The following TRIM4 variants were observed in gnomAD, a reference collection of about 807,000 sequenced individuals.
The protein encoded by TRIM4 is E3 ubiquitin-protein ligase TRIM4.
Under a neutral mutation model 33.7 loss-of-function variants are expected in TRIM4, and 29 were observed. The observed-to-expected ratio is 0.86, with a 90% CI of 0.64 to 1.17. TRIM4 has a LOEUF of 1.17. TRIM4 is among the 50% of genes most tolerant of loss of function. The pLI is 0.00. For synonymous variants in TRIM4, 224 were observed against 233.0 expected, an observed-to-expected ratio of 0.96 and a Z score of 0.35; for missense variants, 554 against 593.7, an observed-to-expected ratio of 0.93 and a Z score of 0.69.
At position 99,892,726 on chromosome 7, in the gene TRIM4, C is replaced by T. The variant is rs770230620; in HGVS notation, c.862G>A (p.Asp288Asn). The T allele has an allele frequency of 6.2e-7, 1 of 1,613,144 alleles. No individual in the cohort carries two copies. The highest frequency in any genetic ancestry group is 8.5e-7 in the Non-Finnish European group (1 of 1,179,772). The change falls in exon 6 of 6, where the codon GAC (aspartate) becomes AAC (asparagine). Residue 288 changes from aspartate to asparagine, a missense_variant. By Grantham distance (23) the Asp-to-Asn change is conservative. Coordinates refer to ENST00000349062, the MANE Select transcript of TRIM4 (RefSeq NM_033091.3). ...AAGACGAGTTTGGGATGAGCTGTGT[C>T]TTCAGCTAGGTTTACAGCCACTGTG... ...RFQVAVNLAE[D>N]TAHPKLVFSQ...
At chr7:99,914,366 G>C (rs555331472) in intron 1 of TRIM4, among the ~76,000 whole-genome samples, 1 of 152,110 alleles carries the variant, frequency 6.6e-6, no homozygotes, top group African/African-American at 2.4e-5. Flanking sequence ...CAGTTGCCTA[G>C]GCTGGTCTTG....
Position 99,892,473 on chromosome 7 carries a change from C to T in TRIM4, c.1115G>A (p.Arg372Gln), listed in dbSNP as rs775388976. 5.0e-6 allele frequency: 8 copies of T among 1,614,098 alleles called. No individual in the cohort carries two copies. Among genetic ancestry groups the T allele is most frequent in the African/African-American group, 2.7e-5 (2 of 75,006 alleles). ...DSLEVAVGVC[R>Q]EDVMGITDRS... ...ATCAGTAATTCCCATGACGTCCTCC[C>T]GACACACCCCAACAGCAACCTCCAG... Residue 372 changes from arginine to glutamine, a missense_variant, in exon 6 of 6, where the codon CGG (arginine) becomes CAG (glutamine). By Grantham distance (43) the Arg-to-Gln change is conservative (BLOSUM62 1). Around this residue, in one of 3 missense-constraint regions of TRIM4, gnomAD observed 290 missense variants for 335.8 expected, o/e 0.86. Transcript: ENST00000349062.
At chr7:99,903,792 G>T (rs1201845754) in intron 3 of TRIM4, among the ~76,000 whole-genome samples, 194 bp from the exon 4 acceptor site, 10 of 152,148 alleles carry the variant, frequency 6.6e-5, no homozygotes, top group African/African-American at 2.4e-4. Context: ...CGACAATGCT[G>T]CCTGCGCCCC....
chr7:99,902,327 A>G (rs1415839527), intron 5 of TRIM4, among the ~76,000 whole-genome samples: 1 of 152,088 alleles, frequency 6.6e-6, no homozygotes, highest in Non-Finnish European at 1.5e-5. Flanking sequence ...AGCTCACTGC[A>G]ACCTCCACCT....
rs1304422181 is a variant in TRIM4 at position 99,908,819 on chromosome 7, C to A, written c.490-7G>T. Reference sequence around the variant, plus strand: ...GCTGACTCTTTATCTTATCCTAAGGCCACATGAGATTTGCTCACTCCTTTT... The same window carrying A: ...GCTGACTCTTTATCTTATCCTAAGGACACATGAGATTTGCTCACTCCTTTT... On this transcript the variant is annotated splice_region_variant and splice_polypyrimidine_tract_variant and intron_variant, in intron 2 of 5. Transcript: ENST00000349062. The A allele has an allele frequency of 6.2e-7, 1 of 1,611,146 alleles. No homozygotes were observed. The highest frequency in any genetic ancestry group is 2.2e-5 in the East Asian group (1 of 44,872).
intron 1 of TRIM4, among the ~76,000 whole-genome samples, chr7:99,918,492 G>C (rs539846666): frequency 9.2e-5 from 14 of 151,920 alleles, no homozygotes; most frequent in African/African-American, 3.1e-4. Flanking sequence ...TTGAACCCCG[G>C]AGGAGGAGGT....
chr7:99,916,891 T>G, intron 1 of TRIM4: 2 of 711,804 alleles, frequency 2.8e-6, no homozygotes, highest in Non-Finnish European at 5.1e-6. Context: ...AGATCCTTCA[T>G]GATAAGGCCC....
chr7:99,899,500 G>A (rs1253112655), intron 5 of TRIM4, among the ~76,000 whole-genome samples: 1 of 152,092 alleles, frequency 6.6e-6, no homozygotes, highest in Non-Finnish European at 1.5e-5. Context: ...GAAGTCAGTA[G>A]GGGACTGGCA....
chr7:99,908,649 G>T lies in TRIM4; in HGVS notation c.653C>A (p.Ala218Asp), dbSNP rs1819363549. Reference protein sequence around the residue: ...ENTLKLNQTIASLKKLILEVG... With the variant: ...ENTLKLNQTIDSLKKLILEVG... ...CTCTAAGATGAGCTTCTTCAATGAA[G>T]CGATAGTTTGATTGAGTTTTAACGT... Residue 218 changes from alanine to aspartate, a missense_variant, in exon 3 of 6, where the codon GCT (alanine) becomes GAT (aspartate). Physicochemically the swap from Ala to Asp is moderately radical, Grantham distance 126 (BLOSUM62 -2). Coordinates refer to ENST00000349062, the MANE Select transcript of TRIM4 (RefSeq NM_033091.3). The T allele has an allele frequency of 1.2e-6, 2 of 1,614,158 alleles. No individual in the cohort carries two copies. The highest frequency in any genetic ancestry group is 4.5e-5 in the East Asian group (2 of 44,876).
intron 5 of TRIM4, among the ~76,000 whole-genome samples, chr7:99,897,622 G>GA (rs1306513897): frequency 1.3e-5 from 2 of 152,058 alleles, no homozygotes; most frequent in South Asian, 2.1e-4. Context: ...CTCCATGGGG[G>GA]AAAGGCCTAG....
chr7:99,892,298 AT>A lies in TRIM4; in HGVS notation c.1289del (p.Asn430MetfsTer30), dbSNP rs765168431. The A allele has an allele frequency of 1.2e-6, 2 of 1,614,110 alleles. No homozygotes were observed. Among genetic ancestry groups the A allele is most frequent in the African/African-American group, 2.7e-5 (2 of 74,942 alleles). ...VGVYLDRGTG[N>X]VSFYSAVDGV... ...CGTCCACAGCGCTGTAGAAGGAGAC[AT>A]TCCCAGTCCCACGATCCAGGTAAAC... On this transcript the variant is annotated frameshift_variant, in exon 6 of 6. Coordinates refer to ENST00000349062, the MANE Select transcript of TRIM4 (RefSeq NM_033091.3). LOFTEE classifies it low-confidence loss of function (END_TRUNC).
At position 99,892,714 on chromosome 7, in the gene TRIM4, G is replaced by A. The variant is rs267601667; in HGVS notation, c.874C>T (p.Pro292Ser). 5.6e-6 allele frequency: 9 copies of A among 1,613,634 alleles called. No individual in the cohort carries two copies. Among genetic ancestry groups the A allele is most frequent in the Non-Finnish European group, 7.6e-6 (9 of 1,179,994 alleles). ...AVNLAEDTAHPKLVFSQEGRY... is the reference protein window; with the variant it reads ...AVNLAEDTAHSKLVFSQEGRY... ...CCTTCCTGGGAGAAGACGAGTTTGG[G>A]ATGAGCTGTGTCTTCAGCTAGGTTT... is the stretch of plus-strand genomic sequence containing the variant. Residue 292 changes from proline to serine, a missense_variant, in exon 6 of 6, where the codon CCC (proline) becomes TCC (serine). Pro to Ser is a moderately conservative substitution (Grantham distance 74). Transcript: ENST00000349062.
rs1292547246 is a variant in TRIM4, at chr7:99,917,986, G to A, written c.393+1023C>T. 1.6e-5 allele frequency: 5 copies of A among 314,288 alleles called. No homozygotes were observed. In the East Asian group the frequency reaches 5.1e-4, roughly 32 times the overall value. 19.5% of individuals were successfully genotyped at this position (314,288 alleles called of 1,614,324 possible). On this transcript the variant is annotated intron_variant, in intron 1 of 5. Transcript: ENST00000349062. ...GTAAGGTAAAGTGATTTATTCAACC[G>A]GAGCTTCTTAACCCATGAGATAGGA...
intron 4 of TRIM4, 46 bp downstream of exon 4, chr7:99,903,530 C>G: frequency 6.2e-7 from 1 of 1,613,220 alleles, no homozygotes; most frequent in Non-Finnish European, 8.5e-7. Context: ...CAGCCTGTAT[C>G]TTTACCATGC....
At chr7:99,916,180 T>C (rs763809208) in intron 1 of TRIM4, among the ~76,000 whole-genome samples, 1 of 152,196 alleles carries the variant, frequency 6.6e-6, no homozygotes, top group African/African-American at 2.4e-5. Context: ...TCCACTTATA[T>C]TTCCCTCGGC....
intron 5 of TRIM4, 130 bp from the exon 6 acceptor site, chr7:99,892,876 A>G (rs922965989): frequency 5.2e-5 from 42 of 800,210 alleles, no homozygotes; most frequent in Non-Finnish European, 6.6e-5. Flanking sequence ...CTGCTGCCCA[A>G]CTGATCCTCA....
In TRIM4 at chr7:99,908,565, ACTCGTAACTGT is replaced by A; in HGVS notation, c.720+6_720+16del. ...AGTTAGTGAAGATGAGATCACCCCC[ACTCGTAACTGT>A]CTCACCTGAAGCAGCTCCAGGGTGG... is the stretch of plus-strand genomic sequence containing the variant. On this transcript the variant is annotated splice_donor_region_variant and intron_variant, in intron 3 of 5. Transcript: ENST00000349062. 6.3e-7 allele frequency: 1 copy of A among 1,589,642 alleles called. No individual in the cohort carries two copies. The highest frequency in any genetic ancestry group is 8.6e-7 in the Non-Finnish European group (1 of 1,164,538).
At chr7:99,909,999 T>C (rs570222951) in intron 1 of TRIM4, among the ~76,000 whole-genome samples, 1 of 152,234 alleles carries the variant, frequency 6.6e-6, no homozygotes, top group African/African-American at 2.4e-5. Flanking sequence ...CCCAAAGTGC[T>C]GGGATTACAG....
chr7:99,908,568 C>G lies in TRIM4; in HGVS notation c.720+14G>C. ...TAGTGAAGATGAGATCACCCCCACT[C>G]GTAACTGTCTCACCTGAAGCAGCTC... On this transcript the variant is annotated intron_variant, in intron 3 of 5. Transcript: ENST00000349062. 1 of 1,594,192 alleles carries G rather than the reference C, an allele frequency of 6.3e-7. No individual in the cohort carries two copies. Among genetic ancestry groups the G allele is most frequent in the Admixed American group, 1.7e-5 (1 of 58,280 alleles).
Sources: gnomAD v4.1 joint callset for allele counts (sites outside exome capture counted in the v4.1 genomes callset) on GRCh38, gnomAD v4.1.1 for gene constraint, gnomAD v4.1.1 regional missense constraint, MANE v1.5 for transcripts, NCBI Gene and HGNC (gene_info 2026-07-23, HGNC 2026-07-21) for gene names.